TBXAS1: variants seen among roughly 807,000 people sequenced by gnomAD.
TBXAS1 encodes the protein thromboxane A synthase 1.
Under a neutral mutation model 60.7 loss-of-function variants are expected in TBXAS1, and 48 were observed. The ratio of observed to expected loss-of-function variants is 0.79; its 90% CI spans 0.63 to 1.01. The LOEUF is 1.01. Among genes scored for constraint, TBXAS1 ranks in the 50% least tolerant of loss-of-function variants. The pLI is 0.00. For missense variants in TBXAS1, 685 were observed against 686.3 expected (o/e 1.00, Z 0.02); for synonymous variants, 287 against 269.7 (o/e 1.06, Z -0.63).
intron 9 of TBXAS1, among the ~76,000 whole-genome samples, chr7:139,968,643 C>CACG (rs1362556788): frequency 6.6e-6 from 1 of 152,218 alleles, no homozygotes; most frequent in Non-Finnish European, 1.5e-5. Flanking sequence ...TTCTGGGCCA[C>CACG]ATGTGTTTTC....
At chr7:139,811,916 T>G (rs1185014780) in intron 4 of TBXAS1, among the ~76,000 whole-genome samples, 1 of 152,196 alleles carries the variant, frequency 6.6e-6, no homozygotes, top group Non-Finnish European at 1.5e-5. Flanking sequence ...TTCGAGCAAT[T>G]GCATTTCATA....
intron 5 of TBXAS1, among the ~76,000 whole-genome samples, chr7:139,943,258 T>C (rs151288630): frequency 2.1e-3 from 316 of 152,360 alleles, no homozygotes; most frequent in African/African-American, 7.4e-3. Flanking sequence ...AGTCCAAAAA[T>C]ACATTGGCCT....
chr7:139,893,160 C>T (rs1803777381), intron 3 of TBXAS1, among the ~76,000 whole-genome samples: 1 of 152,130 alleles, frequency 6.6e-6, no homozygotes, highest in South Asian at 2.1e-4. Flanking sequence ...GCACATTCTT[C>T]CCATGGCACT....
chr7:139,812,654 C>T lies in TBXAS1; in HGVS notation c.-79-16658C>T, dbSNP rs552332099. Among the ~76,000 whole-genome samples, 6 of 152,308 alleles carry T rather than the reference C, an allele frequency of 3.9e-5. No individual in the cohort carries two copies. In the South Asian group the frequency reaches 1.0e-3, roughly 26 times the overall value. On this transcript the variant is annotated intron_variant, in intron 4 of 16. Coordinates refer to the TBXAS1 transcript ENST00000336425. ...GGAATGTATTCATTTCTCCACATTC[C>T]TATCCCCAGTTTTTGGGGAAAGGTG...
chr7:139,973,895 T>TC (rs1483698134), intron 9 of TBXAS1, among the ~76,000 whole-genome samples: 1 of 152,024 alleles, frequency 6.6e-6, no homozygotes, highest in Non-Finnish European at 1.5e-5. Context: ...TCCACTGGCC[T>TC]CCCCCTGCTG....
intron 3 of TBXAS1, among the ~76,000 whole-genome samples, chr7:139,904,450 C>CA (rs1271287157): frequency 6.6e-6 from 1 of 150,872 alleles, no homozygotes; most frequent in African/African-American, 2.5e-5. Flanking sequence ...GTTCCATATG[C>CA]ATTTTAGAAT....
chr7:140,009,925 T>C (rs551977016), intron 10 of TBXAS1, among the ~76,000 whole-genome samples: 1 of 5,062 alleles, frequency 2.0e-4, no homozygotes, highest in Non-Finnish European at 3.4e-4. Flanking sequence ...GCCCCACACC[T>C]GCCCCACACC....
intron 4 of TBXAS1, among the ~76,000 whole-genome samples, chr7:139,803,251 G>A (rs1049439621): frequency 3.9e-5 from 6 of 152,306 alleles, no homozygotes; most frequent in Middle Eastern, 3.4e-3. Context: ...GGTCTCAGAC[G>A]GAGATGAGGA....
chr7:139,955,563 G>GACC lies in TBXAS1; in HGVS notation c.644_645insACC (p.Arg215_Phe216insPro), dbSNP rs1809795441. On this transcript the variant is annotated inframe_insertion, in exon 7 of 13. Coordinates refer to ENST00000448866, the MANE Select transcript of TBXAS1 (RefSeq NM_001061.7). ...GATCCCTTTGTGAAACACTGCAAGC[G>GACC]TTTCTTCGAATTCTGCATCCCCAGA... The GACC allele has an allele frequency of 1.2e-6, 2 of 1,614,116 alleles. No homozygotes were observed. The highest frequency in any genetic ancestry group is 3.3e-5 in the Admixed American group (2 of 60,012).
rs57162964 is a variant in TBXAS1, at chr7:139,868,462, A to AATTTATTTATTTATTT, written c.90-3757_90-3742dup. ...AAACTTGAGTGGCTGGAAACTCCAG[A>AATTTATTTATTTATTT]ATTTATTTATTTATTTATTTATTTA... On this transcript the variant is annotated intron_variant, in intron 1 of 12. Transcript: ENST00000448866. Among the ~76,000 whole-genome samples the AATTTATTTATTTATTT allele has an allele frequency of 1.8e-3, 275 of 150,438 alleles. 1 individual carries two copies. Among genetic ancestry groups the AATTTATTTATTTATTT allele is most frequent in the African/African-American group, 6.2e-3 (251 of 40,240 alleles).
At chr7:139,890,792 C>T (rs181389451) in intron 3 of TBXAS1, among the ~76,000 whole-genome samples, 54 of 152,290 alleles carry the variant, frequency 3.5e-4, no homozygotes, top group South Asian at 3.5e-3. Context: ...AGGCTGGGAA[C>T]GCACTGCTGC....
intron 3 of TBXAS1, among the ~76,000 whole-genome samples, chr7:139,895,911 A>G (rs1341520256): frequency 6.6e-6 from 1 of 152,196 alleles, no homozygotes; most frequent in Non-Finnish European, 1.5e-5. Flanking sequence ...GAAATAGAGC[A>G]GGCCCCAAGT....
intron 1 of TBXAS1, among the ~76,000 whole-genome samples, chr7:139,851,381 G>A (rs1268563434): frequency 6.6e-6 from 1 of 152,218 alleles, no homozygotes; most frequent in Admixed American, 6.5e-5. Flanking sequence ...TGTTTATAAA[G>A]TGTGTTTATA....
chr7:139,986,666 C>T (rs1405189621), intron 9 of TBXAS1, among the ~76,000 whole-genome samples: 1 of 150,436 alleles, frequency 6.6e-6, no homozygotes, highest in African/African-American at 2.4e-5. Flanking sequence ...CAGTTCCACC[C>T]ACATTGCTGC....
chr7:139,809,758 T>G (rs1250475756), intron 4 of TBXAS1, among the ~76,000 whole-genome samples: 1 of 152,128 alleles, frequency 6.6e-6, no homozygotes, highest in African/African-American at 2.4e-5. Flanking sequence ...ACCTGCCTTT[T>G]TGTTCTATCC....
chr7:139,830,371 T>C (rs1282264634), intron 1 of TBXAS1, among the ~76,000 whole-genome samples: 2 of 152,196 alleles, frequency 1.3e-5, no homozygotes, highest in Non-Finnish European at 2.9e-5. Flanking sequence ...GAAAGCACTT[T>C]GAAAAGCATC....
At chr7:139,920,291 G>A (rs1806355340) in intron 4 of TBXAS1, among the ~76,000 whole-genome samples, 1 of 152,148 alleles carries the variant, frequency 6.6e-6, no homozygotes, top group Admixed American at 6.5e-5. Flanking sequence ...TTTGAAGAGG[G>A]GCAGAAGGGG....
At chr7:140,018,150 A>AC (rs1376206147) in intron 12 of TBXAS1, among the ~76,000 whole-genome samples, 2 of 152,136 alleles carry the variant, frequency 1.3e-5, no homozygotes, top group African/African-American at 4.8e-5. Flanking sequence ...GCTGGACCTC[A>AC]CCTTGCTGTA....
chr7:139,992,113 G>T (rs537462731), intron 9 of TBXAS1, among the ~76,000 whole-genome samples: 3 of 152,346 alleles, frequency 2.0e-5, no homozygotes, highest in African/African-American at 7.2e-5. Flanking sequence ...TGATCTGCCA[G>T]TTCTCCCTTG....
Sources: gnomAD v4.1 joint callset for allele counts (sites outside exome capture counted in the v4.1 genomes callset) on GRCh38, gnomAD v4.1.1 for gene constraint, MANE v1.5 for transcripts, NCBI Gene and HGNC (gene_info 2026-07-23, HGNC 2026-07-21) for gene names.